ZFHX3: variants seen among roughly 807,000 people sequenced by gnomAD.
ZFHX3 encodes the protein zinc finger homeobox protein 3.
In ZFHX3, 42 loss-of-function variants were observed where a neutral mutation model predicts 279.1. The ratio of observed to expected loss-of-function variants is 0.15; its 90% confidence interval spans 0.12 to 0.19. The LOEUF (loss-of-function observed/expected upper bound fraction) is 0.19, where lower values mean the gene tolerates loss of function less well. Ranked by LOEUF, ZFHX3 falls within the 10% of genes least tolerant of loss-of-function variation. ZFHX3 has a pLI of 1.00. For missense variants in ZFHX3, 4,981 were observed against 4,754.0 expected, an observed-to-expected ratio of 1.05 and a Z score of -1.40; for synonymous variants, 2,293 against 1,957.8, an observed-to-expected ratio of 1.17 and a Z score of -4.52.
chr16:73,374,460 T>C (rs894680891), intron 3 of ZFHX3, among the ~76,000 whole-genome samples: 4 of 152,150 alleles, frequency 2.6e-5, no homozygotes, highest in Non-Finnish European at 4.4e-5. Flanking sequence ...AATCTCAGAC[T>C]TACCATTTCA....
chr16:72,904,422 A>AT (rs1597364628), intron 3 of ZFHX3, among the ~76,000 whole-genome samples: 2 of 149,530 alleles, frequency 1.3e-5, no homozygotes, highest in East Asian at 3.9e-4. Context: ...AAATAAATAA[A>AT]AATTGTGGGC....
chr16:73,147,550 G>A (rs1742731136), intron 5 of ZFHX3, among the ~76,000 whole-genome samples: 2 of 150,972 alleles, frequency 1.3e-5, no homozygotes, highest in African/African-American at 4.9e-5. Flanking sequence ...AAATTAGCCG[G>A]GCGTGGTAGC....
At chr16:72,836,731 C>T (rs930754150) in intron 4 of ZFHX3, among the ~76,000 whole-genome samples, 3 of 151,950 alleles carry the variant, frequency 2.0e-5, no homozygotes, top group African/African-American at 4.8e-5. Flanking sequence ...CTGAGGAAAA[C>T]GCCAGATCAC....
At chr16:73,429,493 C>A (rs148113499) in intron 3 of ZFHX3, among the ~76,000 whole-genome samples, 1 of 151,788 alleles carries the variant, frequency 6.6e-6, no homozygotes. Context: ...CCACCATGCC[C>A]GGCTGATTTT....
rs1330972911 is a variant in ZFHX3, at chr16:72,800,072, C to G, written c.3922G>C (p.Asp1308His). 1 of 1,614,196 alleles carries G rather than the reference C, an allele frequency of 6.2e-7. No individual in the cohort carries two copies. The highest frequency in any genetic ancestry group is 8.5e-7 in the Non-Finnish European group (1 of 1,180,032). ...SSMFLPAAVPDRDGNSNLEEA... is the reference protein window; with the variant it reads ...SSMFLPAAVPHRDGNSNLEEA... ...TCCAAATTGGAATTCCCATCTCGAT[C>G]TGGAACAGCTGCTGGGAGGAACATG... Residue 1308 changes from aspartate (D) to histidine (H), a missense_variant, in exon 8 of 10, where the codon GAT (aspartate) becomes CAT (histidine). By Grantham distance (81) the Asp-to-His change is moderately conservative (BLOSUM62 -1). Around this residue, in one of 7 missense-constraint regions of ZFHX3, gnomAD observed 1,751 missense variants for 1,770.0 expected, o/e 0.99. Coordinates refer to ENST00000268489, the MANE Select transcript of ZFHX3 (RefSeq NM_006885.4).
At chr16:73,412,079 C>A (rs950159341) in intron 3 of ZFHX3, among the ~76,000 whole-genome samples, 3 of 152,128 alleles carry the variant, frequency 2.0e-5, no homozygotes, top group African/African-American at 7.2e-5. Context: ...GTAATCCCAG[C>A]ACTTGGGAGA....
intron 1 of ZFHX3, among the ~76,000 whole-genome samples, chr16:73,760,185 T>C (rs553016459): frequency 6.6e-6 from 1 of 152,228 alleles, no homozygotes; most frequent in African/African-American, 2.4e-5. Flanking sequence ...CTACAAATTC[T>C]AGAAGAAATG....
chr16:72,953,430 T>C (rs1171225909), intron 2 of ZFHX3, among the ~76,000 whole-genome samples: 1 of 152,218 alleles, frequency 6.6e-6, no homozygotes, highest in African/African-American at 2.4e-5. Context: ...CATATATTTG[T>C]TTCTGATGCC....
chr16:72,801,723 T>G (rs1189661614), intron 7 of ZFHX3, among the ~76,000 whole-genome samples: 1 of 152,218 alleles, frequency 6.6e-6, no homozygotes, highest in African/African-American at 2.4e-5. Context: ...TGGTTAAGGC[T>G]AGCTGTTGAT....
Position 72,787,255 on chromosome 16 carries a change from C to T in ZFHX3, c.11021G>A (p.Gly3674Glu). Reference sequence around the variant, plus strand: ...GGGACCCTCCACCGGGCTCGCCGGTCCGTCGGACTTTTGGCTGAGATCCGT... The same window carrying T: ...GGGACCCTCCACCGGGCTCGCCGGTTCGTCGGACTTTTGGCTGAGATCCGT... ...SDTDLSQKSD[G>E]PASPVEGPKD... Residue 3674 changes from glycine (G) to glutamate (E), a missense_variant, in exon 10 of 10, where the codon GGA (glycine) becomes GAA (glutamate). By Grantham distance (98) the Gly-to-Glu change is moderately conservative. Transcript: ENST00000268489. 19 of 1,614,068 alleles carry T rather than the reference C, an allele frequency of 1.2e-5. No individual in the cohort carries two copies. The highest frequency in any genetic ancestry group is 1.6e-4 in the Middle Eastern group (1 of 6,062).
At chr16:73,141,620 A>C (rs964723432) in intron 6 of ZFHX3, among the ~76,000 whole-genome samples, 2 of 151,844 alleles carry the variant, frequency 1.3e-5, no homozygotes, top group African/African-American at 4.8e-5. Flanking sequence ...CTGGTCTCAA[A>C]CTCCTGGGCT....
intron 7 of ZFHX3, among the ~76,000 whole-genome samples, chr16:73,108,858 G>A (rs555012201): frequency 6.6e-6 from 1 of 152,368 alleles, no homozygotes; most frequent in South Asian, 2.1e-4. Flanking sequence ...TAATGACCCT[G>A]CCTGCCCTGC....
At chr16:73,437,237 G>A (rs2018014133) in intron 3 of ZFHX3, among the ~76,000 whole-genome samples, 2 of 152,134 alleles carry the variant, frequency 1.3e-5, no homozygotes, top group African/African-American at 2.4e-5. Flanking sequence ...AAAACTTAGG[G>A]CCAGAGAGAT....
At chr16:73,860,679 G>T (rs898784551) in intron 1 of ZFHX3, among the ~76,000 whole-genome samples, 1 of 152,080 alleles carries the variant, frequency 6.6e-6, no homozygotes, top group African/African-American at 2.4e-5. Context: ...CCTTCCTTCG[G>T]CCTGTTTTAT....
Position 72,788,168 on chromosome 16 carries a change from T to C in ZFHX3, c.10108A>G (p.Ser3370Gly). 1.2e-6 allele frequency: 2 copies of C among 1,612,400 alleles called. No homozygotes were observed. The highest frequency in any genetic ancestry group is 1.7e-6 in the Non-Finnish European group (2 of 1,179,352). ...TGCTGCTGAATTGCCTCCTGCAGAC[T>C]CTGCTGGTATTGCTGGTACTGCTGC... ...LLQQYQQYQQ[S>G]LQEAIQQQQQ... Residue 3370 changes from serine (S) to glycine (G), a missense_variant, in exon 10 of 10, where the codon AGT becomes GGT. By Grantham distance (56) the Ser-to-Gly change is moderately conservative (BLOSUM62 0). This residue lies in a region of ZFHX3 where 1,034 missense variants were observed against 786.0 expected (regional missense o/e 1.32). Transcript: ENST00000268489.
chr16:73,320,021 G>A (rs957968409), intron 3 of ZFHX3, among the ~76,000 whole-genome samples: 2 of 152,178 alleles, frequency 1.3e-5, no homozygotes, highest in African/African-American at 2.4e-5. Flanking sequence ...TATCTCCAGA[G>A]AGAGCTGGAC....
intron 2 of ZFHX3, among the ~76,000 whole-genome samples, chr16:73,673,174 G>A (rs1453295706): frequency 6.6e-6 from 1 of 152,124 alleles, no homozygotes; most frequent in Non-Finnish European, 1.5e-5. Flanking sequence ...TGAACACACA[G>A]TATTCAAAAT....
At position 72,958,499 on chromosome 16, in the gene ZFHX3, A is replaced by G. The variant is rs1348234558; in HGVS notation, c.1647T>C (p.Ser549=). 2 of 1,614,124 alleles carry G rather than the reference A, an allele frequency of 1.2e-6. No homozygotes were observed. Among genetic ancestry groups the G allele is most frequent in the Admixed American group, 1.7e-5 (1 of 60,034 alleles). Residue 549 remains serine (S), a synonymous_variant, in exon 2 of 10, where the codon TCT becomes TCC. Transcript: ENST00000268489. The stretch of plus-strand genomic sequence containing the variant: ...AGGAAGAAGCAGAATTAGAACTAGT[A>G]GAAGCTGTGCCCCTCGACAGGGTCT... ...VLQTLSRGTA[S]TSSNSASSFV... is the part of the protein sequence containing the mutation.
At chr16:73,544,573 G>T (rs552553280) in intron 2 of ZFHX3, among the ~76,000 whole-genome samples, 3 of 152,254 alleles carry the variant, frequency 2.0e-5, no homozygotes, top group African/African-American at 7.2e-5. Flanking sequence ...CAGAAACCTC[G>T]AGGGAAAGAG....
Sources: allele counts gnomAD v4.1 joint callset (sites outside exome capture counted in the v4.1 genomes callset), GRCh38; gene constraint gnomAD v4.1.1; regional missense constraint gnomAD v4.1.1; transcripts MANE v1.5; gene names NCBI Gene and HGNC (gene_info 2026-07-23, HGNC 2026-07-21).